WWP2: variants seen among roughly 807,000 people sequenced by gnomAD.
The protein encoded by WWP2 is NEDD4-like E3 ubiquitin-protein ligase WWP2.
WWP2 carries 57 observed loss-of-function variants against 121.0 expected under a neutral mutation model. The ratio of observed to expected loss-of-function variants is 0.47; its 90% CI spans 0.38 to 0.59. The LOEUF is 0.59. WWP2 is among the 20% of genes least tolerant of loss of function. The probability of loss-of-function intolerance (pLI) is 0.00; values close to 1 mark genes in which losing one functional copy is unlikely to be tolerated. For synonymous variants in WWP2, 449 were observed against 441.3 expected (o/e 1.02, Z -0.22); for missense variants, 962 against 1,158.9 (o/e 0.83, Z 2.47).
At chr16:69,861,239 C>T (rs563147890) in intron 6 of WWP2, among the ~76,000 whole-genome samples, 1 of 152,228 alleles carries the variant, frequency 6.6e-6, no homozygotes, top group African/African-American at 2.4e-5. Flanking sequence ...GTGAACACTT[C>T]CCCTCTGAAC....
chr16:69,809,540 G>A (rs1488261122), intron 4 of WWP2, among the ~76,000 whole-genome samples: 1 of 152,168 alleles, frequency 6.6e-6, no homozygotes, highest in Non-Finnish European at 1.5e-5. Flanking sequence ...GCCAAGGTGG[G>A]TGTATCACCT....
chr16:69,939,827 C>G lies in WWP2; in HGVS notation c.2514-14C>G. 1.2e-6 allele frequency: 2 copies of G among 1,611,092 alleles called. No homozygotes were observed. Among genetic ancestry groups the G allele is most frequent in the Non-Finnish European group, 1.7e-6 (2 of 1,178,576 alleles). On this transcript the variant is annotated splice_polypyrimidine_tract_variant and intron_variant, in intron 23 of 23. Coordinates refer to ENST00000359154, the MANE Select transcript of WWP2 (RefSeq NM_001270454.2). Reference sequence around the variant, plus strand: ...CTCCTAGGGCTGACTGTCGTGCTTCCCCACTCTCAATAGCTTCAACCGTCT... The same window carrying G: ...CTCCTAGGGCTGACTGTCGTGCTTCGCCACTCTCAATAGCTTCAACCGTCT...
chr16:69,806,743 A>G (rs1257553000), intron 4 of WWP2, among the ~76,000 whole-genome samples: 2 of 152,044 alleles, frequency 1.3e-5, no homozygotes, highest in Non-Finnish European at 2.9e-5. Flanking sequence ...AATATTTTTT[A>G]CTTTAAATTT....
intron 6 of WWP2, among the ~76,000 whole-genome samples, chr16:69,848,746 G>A (rs569693197): frequency 6.6e-6 from 1 of 151,678 alleles, no homozygotes; most frequent in Non-Finnish European, 1.5e-5. Context: ...GAATGCATGT[G>A]AACGCACATG....
chr16:69,851,572 T>C (rs530968313), intron 6 of WWP2, among the ~76,000 whole-genome samples: 1 of 152,298 alleles, frequency 6.6e-6, no homozygotes, highest in East Asian at 1.9e-4. Flanking sequence ...TCCATTCACT[T>C]TTACATTCCT....
intron 6 of WWP2, among the ~76,000 whole-genome samples, chr16:69,849,235 G>A (rs1026059221): frequency 6.6e-6 from 1 of 152,188 alleles, no homozygotes; most frequent in African/African-American, 2.4e-5. Context: ...GAGGAGGGGT[G>A]GAGGGTGGAT....
chr16:69,920,405 A>T (rs1217725835), intron 10 of WWP2, among the ~76,000 whole-genome samples: 1 of 152,020 alleles, frequency 6.6e-6, no homozygotes, highest in Non-Finnish European at 1.5e-5. Context: ...TCAGAATTGG[A>T]TGGAATCTGG....
chr16:69,897,223 C>T (rs985307875), intron 8 of WWP2, among the ~76,000 whole-genome samples: 2 of 152,064 alleles, frequency 1.3e-5, no homozygotes, highest in African/African-American at 2.4e-5. Flanking sequence ...TCGCTTCAGC[C>T]TCTCGAGTAC....
Position 69,937,600 on chromosome 16 carries a change from C to T in WWP2, c.2291C>T (p.Thr764Ile). Reference protein sequence around the residue: ...EIDMSDWQKSTIYRHYTKNSK... With the variant: ...EIDMSDWQKSIIYRHYTKNSK... ...GACATGAGCGACTGGCAGAAGAGCA[C>T]CATCTACCGGCACTACACCAAGAAC... Residue 764 changes from threonine to isoleucine, a missense_variant, in exon 21 of 24, where the codon ACC becomes ATC. Thr to Ile is a moderately conservative substitution (Grantham distance 89, BLOSUM62 -1). Around this residue, in one of 3 missense-constraint regions of WWP2, gnomAD observed 606 missense variants for 772.6 expected, o/e 0.78. Transcript: ENST00000359154. The surrounding 1 kb of genome is among the most constrained non-coding windows in gnomAD (Gnocchi z 6.6). 4 of 1,613,996 alleles carry T rather than the reference C, an allele frequency of 2.5e-6. No individual in the cohort carries two copies. Among genetic ancestry groups the T allele is most frequent in the East Asian group, 2.2e-5 (1 of 44,878 alleles).
At chr16:69,863,640 C>A (rs1021743299) in intron 6 of WWP2, among the ~76,000 whole-genome samples, 2 of 152,000 alleles carry the variant, frequency 1.3e-5, no homozygotes, top group African/African-American at 4.8e-5. Flanking sequence ...AACTCCGTCT[C>A]AAAAACAAAC....
intron 6 of WWP2, among the ~76,000 whole-genome samples, chr16:69,849,495 A>ATTCT (rs2057160548): frequency 6.6e-6 from 1 of 152,010 alleles, no homozygotes; most frequent in African/African-American, 2.4e-5. Flanking sequence ...TCATTCATTC[A>ATTCT]TTCATTCATT....
At position 69,857,841 on chromosome 16, in the gene WWP2, T is replaced by G. The variant is rs186126152; in HGVS notation, c.576-13963T>G. Among the ~76,000 whole-genome samples the G allele has an allele frequency of 2.2e-3, 334 of 152,134 alleles. 2 individuals are homozygous for G. The highest frequency in any genetic ancestry group is 5.6e-3 in the South Asian group (27 of 4,814). On this transcript the variant is annotated intron_variant, in intron 6 of 23. Transcript: ENST00000359154. Reference sequence around the variant, plus strand: ...CATGCCTGGCTAATTTTTAAATTTTTTTTTGTAGTGACAGTGTCTTCCTGT... The same window carrying G: ...CATGCCTGGCTAATTTTTAAATTTTGTTTTGTAGTGACAGTGTCTTCCTGT...
intron 8 of WWP2, among the ~76,000 whole-genome samples, chr16:69,899,248 G>A (rs899127878): frequency 6.6e-6 from 1 of 152,036 alleles, no homozygotes. Flanking sequence ...GGTGGTTCTT[G>A]CCTGTAACTT....
chr16:69,873,900 A>G (rs2057688743), intron 7 of WWP2, among the ~76,000 whole-genome samples: 1 of 152,210 alleles, frequency 6.6e-6, no homozygotes, highest in Non-Finnish European at 1.5e-5. Flanking sequence ...GGACATTTCA[A>G]TAGAGCTATA....
chr16:69,839,551 A>T (rs1211303239), intron 4 of WWP2, among the ~76,000 whole-genome samples: 2 of 152,090 alleles, frequency 1.3e-5, no homozygotes, highest in African/African-American at 4.8e-5. Flanking sequence ...TCTCTCCTTA[A>T]GTCACTGATG....
chr16:69,772,852 G>A (rs1361509280), intron 1 of WWP2, among the ~76,000 whole-genome samples: 4 of 151,984 alleles, frequency 2.6e-5, no homozygotes, highest in African/African-American at 9.7e-5. Context: ...CAGTCTGCTT[G>A]CCTTCTGTTG....
At chr16:69,882,573 G>A (rs190443544) in intron 7 of WWP2, among the ~76,000 whole-genome samples, 22 of 152,292 alleles carry the variant, frequency 1.4e-4, no homozygotes, top group African/African-American at 5.1e-4. Context: ...ATGTCACAGG[G>A]GCTGTGCGAC....
intron 1 of WWP2, among the ~76,000 whole-genome samples, chr16:69,776,000 CCTT>C (rs1161262450): frequency 6.6e-6 from 1 of 152,114 alleles, no homozygotes; most frequent in Non-Finnish European, 1.5e-5. Flanking sequence ...CCTAAAAACT[CCTT>C]CTTAAATAGA....
At chr16:69,811,804 G>C (rs928608345) in intron 4 of WWP2, among the ~76,000 whole-genome samples, 1 of 152,058 alleles carries the variant, frequency 6.6e-6, no homozygotes, top group Non-Finnish European at 1.5e-5. Flanking sequence ...ATAGAACAAA[G>C]AACTCCTCAA....
Sources: gnomAD v4.1 joint callset for allele counts (sites outside exome capture counted in the v4.1 genomes callset) on GRCh38, gnomAD v4.1.1 for gene constraint, gnomAD v4.1.1 regional missense constraint, Gnocchi (gnomAD v3.1) non-coding constraint, MANE v1.5 for transcripts, NCBI Gene and HGNC (gene_info 2026-07-23, HGNC 2026-07-21) for gene names.